The following CSMD1 variants were observed in gnomAD, a reference collection of about 807,000 sequenced individuals.
The protein encoded by CSMD1 is CUB and Sushi multiple domains 1.
Under a neutral mutation model 417.5 loss-of-function variants are expected in CSMD1, and 213 were observed. The observed-to-expected ratio is 0.51, with a 90% confidence interval of 0.46 to 0.57. CSMD1 has a LOEUF of 0.57. Ranked by LOEUF, CSMD1 falls within the 20% of genes least tolerant of loss-of-function variation. CSMD1 has a pLI of 0.00. For missense variants in CSMD1, 6,923 were observed against 4,529.7 expected (o/e 1.53, Z -15.17); for synonymous variants, 2,862 against 1,736.8 (o/e 1.65, Z -16.11).
intron 25 of CSMD1, among the ~76,000 whole-genome samples, chr8:3,297,777 C>T (rs1028796176): frequency 3.3e-5 from 5 of 151,972 alleles, no homozygotes; most frequent in Non-Finnish European, 7.4e-5. Context: ...ATCACTAAAG[C>T]CAACCTTAAC....
At chr8:4,908,258 T>A (rs1805431395) in intron 1 of CSMD1, among the ~76,000 whole-genome samples, 1 of 152,218 alleles carries the variant, frequency 6.6e-6, no homozygotes, top group Non-Finnish European at 1.5e-5. Context: ...TAGGGTAAAG[T>A]ATTCCTTCCT....
At position 3,307,830 on chromosome 8, in the gene CSMD1, G is replaced by T. The variant is rs1563253891; in HGVS notation, c.3824-9C>A. On this transcript the variant is annotated splice_polypyrimidine_tract_variant and intron_variant, in intron 24 of 69. Coordinates refer to ENST00000635120, the MANE Select transcript of CSMD1 (RefSeq NM_033225.6). ...CTGACCACCACATTCCGCTGTAGAA[G>T]ACACAGAGAGATGGGAACGTTCAGC... The T allele has an allele frequency of 6.2e-7, 1 of 1,607,424 alleles. No homozygotes were observed. Among genetic ancestry groups the T allele is most frequent in the East Asian group, 2.2e-5 (1 of 44,814 alleles).
At chr8:4,910,972 G>C (rs559070206) in intron 1 of CSMD1, among the ~76,000 whole-genome samples, 21 of 152,280 alleles carry the variant, frequency 1.4e-4, no homozygotes, top group Middle Eastern at 3.4e-3. Context: ...AGCCTCAGGA[G>C]ACCTGATGGT....
chr8:4,243,289 A>G (rs1446008715), intron 3 of CSMD1, among the ~76,000 whole-genome samples: 1 of 152,136 alleles, frequency 6.6e-6, no homozygotes, highest in Non-Finnish European at 1.5e-5. Context: ...CTAGGTCTGA[A>G]TTTCATGGTA....
At chr8:4,446,439 T>G (rs1043083796) in intron 2 of CSMD1, among the ~76,000 whole-genome samples, 3 of 152,040 alleles carry the variant, frequency 2.0e-5, no homozygotes, top group African/African-American at 7.2e-5. Flanking sequence ...TCCCCGCTAC[T>G]CAGGTGGCTG....
intron 2 of CSMD1, among the ~76,000 whole-genome samples, chr8:4,485,360 T>TTGAG (rs1259433524): frequency 6.6e-6 from 1 of 152,182 alleles, no homozygotes; most frequent in Non-Finnish European, 1.5e-5. Context: ...TGTCTTTCAC[T>TTGAG]TGAGTTAACA....
intron 3 of CSMD1, among the ~76,000 whole-genome samples, chr8:4,338,909 C>T (rs967008542): frequency 3.3e-5 from 5 of 151,984 alleles, no homozygotes; most frequent in Admixed American, 1.3e-4. Context: ...ACAACAGAGG[C>T]ATGATAAATA....
chr8:4,023,027 C>T (rs1200304972), intron 4 of CSMD1, among the ~76,000 whole-genome samples: 1 of 152,172 alleles, frequency 6.6e-6, no homozygotes, highest in Non-Finnish European at 1.5e-5. Context: ...TTTTCTTCTT[C>T]CTGAGCTCAC....
rs76606201 is a variant in CSMD1 at position 3,086,823 on chromosome 8, G to A, written c.7474+274C>T. 9.5e-3 allele frequency among the ~76,000 whole-genome samples: 1,439 copies of A among 152,254 alleles called. 24 individuals carry two copies. Among genetic ancestry groups the A allele is most frequent in the African/African-American group, 0.033 (1,377 of 41,528 alleles). On this transcript the variant is annotated intron_variant, in intron 49 of 69. Transcript: ENST00000635120. The stretch of plus-strand genomic sequence containing the variant: ...AATTATTTTGAATCTTAAATTGGAT[G>A]ACATGTTTTTTACTTCAAGAGGAAG...
chr8:3,001,781 T>G (rs1006267423), intron 52 of CSMD1, among the ~76,000 whole-genome samples: 1 of 152,200 alleles, frequency 6.6e-6, no homozygotes, highest in East Asian at 1.9e-4. Context: ...CCTGCCCACT[T>G]ATTTCCCCAA....
intron 1 of CSMD1, among the ~76,000 whole-genome samples, chr8:4,723,276 C>G (rs1052607191): frequency 1.3e-5 from 2 of 152,148 alleles, no homozygotes; most frequent in Non-Finnish European, 2.9e-5. Context: ...TTCATTCCCA[C>G]TGGCTAACTG....
At chr8:3,799,964 G>A (rs1800368709) in intron 5 of CSMD1, among the ~76,000 whole-genome samples, 2 of 152,140 alleles carry the variant, frequency 1.3e-5, no homozygotes, top group Admixed American at 6.6e-5. Context: ...GAAAATGTCT[G>A]GGGTATAAGC....
chr8:3,965,467 G>C (rs1398809165), intron 5 of CSMD1, among the ~76,000 whole-genome samples: 2 of 152,116 alleles, frequency 1.3e-5, no homozygotes, highest in Admixed American at 1.3e-4. Flanking sequence ...TTCTCTGTTT[G>C]AGTAGACGAT....
chr8:4,579,307 T>G (rs922334305), intron 2 of CSMD1, among the ~76,000 whole-genome samples: 2 of 149,660 alleles, frequency 1.3e-5, no homozygotes, highest in Non-Finnish European at 3.0e-5. Flanking sequence ...CTCTTGCCAA[T>G]GGTGAAGTTT....
chr8:3,924,359 G>C (rs1479231701), intron 5 of CSMD1, among the ~76,000 whole-genome samples: 2 of 152,154 alleles, frequency 1.3e-5, no homozygotes, highest in Admixed American at 6.6e-5. Context: ...ATCACTAAAA[G>C]CTCAAGCTGC....
At chr8:4,471,124 A>T (rs1011627436) in intron 2 of CSMD1, among the ~76,000 whole-genome samples, 1 of 152,196 alleles carries the variant, frequency 6.6e-6, no homozygotes. Flanking sequence ...AATTTTTAAA[A>T]TTATCCTTCA....
chr8:3,932,651 G>C (rs547784608), intron 5 of CSMD1, among the ~76,000 whole-genome samples: 2 of 150,470 alleles, frequency 1.3e-5, no homozygotes, highest in South Asian at 4.3e-4. Context: ...CATGTTATTA[G>C]GGAATTCTCA....
chr8:2,999,976 G>C lies in CSMD1; in HGVS notation c.8185C>G (p.Gln2729Glu), dbSNP rs751761083. The change falls in exon 53 of 70, where the codon CAA (glutamine) becomes GAA (glutamate). Residue 2729 changes from glutamine (Q) to glutamate (E), a missense_variant. Gln to Glu is a conservative substitution (Grantham distance 29, BLOSUM62 2). Coordinates refer to ENST00000635120, the MANE Select transcript of CSMD1 (RefSeq NM_033225.6). ...CACTTACGGACACAGACAGGCGTTT[G>C]TCCAGACCACTTGTGGTCTTGCAGG... ...ICLQDHKWSG[Q>E]TPVCVPITCG... is the part of the protein sequence containing the mutation. 6.2e-7 allele frequency: 1 copy of C among 1,609,818 alleles called. No individual in the cohort carries two copies. The highest frequency in any genetic ancestry group is 1.1e-5 in the South Asian group (1 of 90,448).
At chr8:4,049,697 A>C (rs1459240858) in intron 3 of CSMD1, among the ~76,000 whole-genome samples, 1 of 152,134 alleles carries the variant, frequency 6.6e-6, no homozygotes, top group East Asian at 1.9e-4. Context: ...ATTCTTAATA[A>C]ATTTTCAAAT....
Sources: allele counts gnomAD v4.1 joint callset (sites outside exome capture counted in the v4.1 genomes callset), GRCh38; gene constraint gnomAD v4.1.1; transcripts MANE v1.5; gene names NCBI Gene and HGNC (gene_info 2026-07-23, HGNC 2026-07-21).